Variants in EXOC6B observed in about 807,000 individuals in gnomAD.
EXOC6B encodes the protein exocyst complex component 6B.
In EXOC6B, 54 loss-of-function variants were observed where a neutral mutation model predicts 113.5. The observed-to-expected ratio is 0.48, with a 90% CI of 0.38 to 0.60. The LOEUF (loss-of-function observed/expected upper bound fraction) is 0.60. Among genes scored for constraint, EXOC6B ranks in the 20% least tolerant of loss-of-function variants. The pLI is 0.00. For synonymous variants in EXOC6B, 357 were observed against 339.0 expected (o/e 1.05, Z -0.58); for missense variants, 797 against 977.5 (o/e 0.82, Z 2.46).
Position 72,794,579 on chromosome 2 carries a change from T to A in EXOC6B, c.113+31219A>T, listed in dbSNP as rs1231451172. ...ACTTCTTGGAGAAGGTGCTGATAGATTATGATCAAACCAGAAGCAGATAAA... is the reference window on the plus strand; with the variant it reads ...ACTTCTTGGAGAAGGTGCTGATAGAATATGATCAAACCAGAAGCAGATAAA... On this transcript the variant is annotated intron_variant, in intron 1 of 21. Transcript: ENST00000272427. Among the ~76,000 whole-genome samples, 9 of 152,186 alleles carry A rather than the reference T, an allele frequency of 5.9e-5. No individual in the cohort carries two copies. In the East Asian group the frequency reaches 1.7e-3, roughly 29 times the overall value.
At chr2:72,766,757 C>A (rs1683080986) in intron 1 of EXOC6B, among the ~76,000 whole-genome samples, 1 of 151,584 alleles carries the variant, frequency 6.6e-6, no homozygotes, top group Non-Finnish European at 1.5e-5. Flanking sequence ...AGGTGGAGAT[C>A]AGCCTGGCCA....
intron 18 of EXOC6B, among the ~76,000 whole-genome samples, chr2:72,401,657 A>ATG (rs1204571404): frequency 1.3e-5 from 1 of 76,766 alleles, no homozygotes. Context: ...ATATATATAT[A>ATG]TATATATATG....
chr2:72,665,248 C>T (rs554750722), intron 6 of EXOC6B, among the ~76,000 whole-genome samples: 1 of 152,244 alleles, frequency 6.6e-6, no homozygotes, highest in Non-Finnish European at 1.5e-5. Flanking sequence ...AGAGTCATCT[C>T]TCTCCCACAC....
In EXOC6B at chr2:72,347,481, A is replaced by C. The variant is rs532214391; in HGVS notation, c.2123-12461T>G. ...AAGCATTCTGCAGGACATTTAACAG[A>C]ACAGTGAAAATCAATTCTCTAGAAA... On this transcript the variant is annotated intron_variant, in intron 19 of 21. Transcript: ENST00000272427. 2.0e-5 allele frequency among the ~76,000 whole-genome samples: 3 copies of C among 152,316 alleles called. No individual in the cohort carries two copies. In the South Asian group the frequency reaches 6.2e-4, roughly 32 times the overall value.
At chr2:72,822,245 C>T (rs962462989) in intron 1 of EXOC6B, among the ~76,000 whole-genome samples, 2 of 152,184 alleles carry the variant, frequency 1.3e-5, no homozygotes, top group African/African-American at 4.8e-5. Flanking sequence ...AAAAACAGGA[C>T]AGGCAGGCTT....
At chr2:72,639,199 C>G (rs1434329718) in intron 6 of EXOC6B, among the ~76,000 whole-genome samples, 1 of 152,172 alleles carries the variant, frequency 6.6e-6, no homozygotes, top group Non-Finnish European at 1.5e-5. Context: ...CCCCTGCCAA[C>G]CAGGTTTCAG....
intron 19 of EXOC6B, among the ~76,000 whole-genome samples, chr2:72,351,720 C>T (rs62149284): frequency 1.2e-3 from 177 of 152,268 alleles, no homozygotes; most frequent in Non-Finnish European, 2.1e-3. Context: ...GTTTTTACAT[C>T]TAGTCTTGCC....
At chr2:72,642,429 G>C (rs868710172) in intron 6 of EXOC6B, among the ~76,000 whole-genome samples, 52 of 143,250 alleles carry the variant, frequency 3.6e-4, no homozygotes, top group Admixed American at 8.7e-4. Context: ...TAGATCAATG[G>C]AACAGAACAG....
intron 1 of EXOC6B, among the ~76,000 whole-genome samples, chr2:72,767,075 G>A (rs1184518647): frequency 6.6e-6 from 1 of 151,526 alleles, no homozygotes; most frequent in East Asian, 1.9e-4. Context: ...ACCATCAAAA[G>A]CCCTCAGCCA....
chr2:72,387,767 A>C (rs574735383), intron 18 of EXOC6B, among the ~76,000 whole-genome samples: 12 of 151,894 alleles, frequency 7.9e-5, no homozygotes, highest in African/African-American at 2.7e-4. Context: ...TATTTTTTTT[A>C]AAAAATAGTG....
Position 72,410,972 on chromosome 2 carries a change from G to A in EXOC6B, c.1981-31102C>T, listed in dbSNP as rs912728907. Among the ~76,000 whole-genome samples the A allele has an allele frequency of 1.3e-5, 2 of 152,182 alleles. 1 individual carries two copies. The highest frequency in any genetic ancestry group is 1.3e-4 in the Admixed American group (2 of 15,276). On this transcript the variant is annotated intron_variant, in intron 18 of 21. Coordinates refer to ENST00000272427, the MANE Select transcript of EXOC6B (RefSeq NM_015189.3). ...TCCTATAGCCCCAGTACTTTGGGAG[G>A]CCAAGGCCGGTGGATAGCCTGAGCT...
intron 6 of EXOC6B, among the ~76,000 whole-genome samples, chr2:72,579,024 T>G (rs1210026509): frequency 6.6e-6 from 1 of 152,094 alleles, no homozygotes; most frequent in Admixed American, 6.5e-5. Flanking sequence ...AGTGGTCAAC[T>G]GAGAGAAGAC....
intron 1 of EXOC6B, among the ~76,000 whole-genome samples, chr2:72,815,469 AAG>A (rs1430591199): frequency 2.0e-5 from 3 of 151,784 alleles, no homozygotes; most frequent in African/African-American, 7.3e-5. Context: ...TAGCCAGGAC[AAG>A]AGAGGGAGAG....
chr2:72,509,611 GA>G (rs1235302869), intron 11 of EXOC6B, among the ~76,000 whole-genome samples: 1 of 151,882 alleles, frequency 6.6e-6, no homozygotes, highest in African/African-American at 2.4e-5. Context: ...GAAAAGGTAA[GA>G]GACATTAAAT....
intron 6 of EXOC6B, among the ~76,000 whole-genome samples, chr2:72,589,396 T>C (rs1422557180): frequency 6.6e-6 from 1 of 152,016 alleles, no homozygotes; most frequent in Non-Finnish European, 1.5e-5. Context: ...AAAAATTAAT[T>C]TATTTCATTT....
intron 20 of EXOC6B, among the ~76,000 whole-genome samples, chr2:72,241,938 G>T (rs1682334388): frequency 6.6e-6 from 1 of 152,140 alleles, no homozygotes; most frequent in African/African-American, 2.4e-5. Flanking sequence ...CAGGTGTGGT[G>T]GCTCACACCT....
chr2:72,706,978 C>A (rs145143779), intron 6 of EXOC6B, among the ~76,000 whole-genome samples: 51 of 152,284 alleles, frequency 3.3e-4, no homozygotes, highest in African/African-American at 1.1e-3. Flanking sequence ...GTCAGCAAAT[C>A]TAGTCTTTAA....
At chr2:72,329,518 G>A (rs1688315999) in intron 20 of EXOC6B, among the ~76,000 whole-genome samples, 1 of 151,948 alleles carries the variant, frequency 6.6e-6, no homozygotes, top group Admixed American at 6.6e-5. Flanking sequence ...GATATAAATG[G>A]GTTTTCTACT....
At chr2:72,226,204 C>A (rs1681226374) in intron 20 of EXOC6B, among the ~76,000 whole-genome samples, 1 of 152,146 alleles carries the variant, frequency 6.6e-6, no homozygotes, top group Non-Finnish European at 1.5e-5. Context: ...GTATCCTCAA[C>A]TGGGTCTTAA....
Sources: gnomAD v4.1 joint callset for allele counts (sites outside exome capture counted in the v4.1 genomes callset) on GRCh38, gnomAD v4.1.1 for gene constraint, MANE v1.5 for transcripts, NCBI Gene and HGNC (gene_info 2026-07-23, HGNC 2026-07-21) for gene names.